Variants in TENM4 observed in about 807,000 individuals in gnomAD.
TENM4 encodes teneurin-4.
A neutral mutation model predicts 243.3 loss-of-function variants in TENM4; 82 were observed. The observed-to-expected ratio is 0.34, with a 90% CI of 0.28 to 0.40. TENM4 has a LOEUF of 0.40. Among genes scored for constraint, TENM4 ranks in the 10% least tolerant of loss-of-function variants. TENM4 has a pLI of 1.00. For synonymous variants in TENM4, 1,412 were observed against 1,456.3 expected (o/e 0.97, Z 0.69); for missense variants, 3,138 against 3,673.3 (o/e 0.85, Z 3.77).
At chr11:78,983,123 T>G (rs1214199687) in intron 6 of TENM4, among the ~76,000 whole-genome samples, 3 of 152,178 alleles carry the variant, frequency 2.0e-5, no homozygotes, top group Non-Finnish European at 4.4e-5. Context: ...GGAGGAAAAA[T>G]AATTCACACT....
chr11:78,749,709 A>T (rs1856137736), intron 19 of TENM4, among the ~76,000 whole-genome samples: 1 of 152,206 alleles, frequency 6.6e-6, no homozygotes, highest in Admixed American at 6.5e-5. Context: ...TGCTTTTAAA[A>T]TTCCTGGAAG....
chr11:79,380,763 C>T (rs1455275969), intron 1 of TENM4, among the ~76,000 whole-genome samples: 3 of 152,138 alleles, frequency 2.0e-5, no homozygotes, highest in Non-Finnish European at 2.9e-5. Context: ...TCATCAAATT[C>T]GTTTCATTCT....
chr11:79,003,312 A>G (rs1400208209), intron 6 of TENM4, among the ~76,000 whole-genome samples: 4 of 152,044 alleles, frequency 2.6e-5, no homozygotes, highest in Non-Finnish European at 2.9e-5. Context: ...CCCTTGTGAG[A>G]TACTGTACAA....
chr11:79,376,528 C>T (rs183807980), intron 1 of TENM4, among the ~76,000 whole-genome samples: 14 of 152,332 alleles, frequency 9.2e-5, no homozygotes, highest in Admixed American at 8.5e-4. Flanking sequence ...GCACATTTCT[C>T]CATCCCAGCA....
At chr11:78,745,525 C>T (rs941979078) in intron 19 of TENM4, among the ~76,000 whole-genome samples, 1 of 151,390 alleles carries the variant, frequency 6.6e-6, no homozygotes, top group Non-Finnish European at 1.5e-5. Flanking sequence ...CCACTGTGCC[C>T]GTCCACTGTC....
At position 79,089,130 on chromosome 11, in the gene TENM4, T is replaced by C. The variant is rs369457904; in HGVS notation, c.-65-19121A>G. 9.2e-5 allele frequency among the ~76,000 whole-genome samples: 14 copies of C among 152,274 alleles called. No homozygotes were observed. In the East Asian group the frequency reaches 2.1e-3, roughly 23 times the overall value. On this transcript the variant is annotated intron_variant, in intron 4 of 33. Transcript: ENST00000278550. ...CAATCCTTGAAACAATTACCTTGGG[T>C]CACTGTGCAGGCCTGTGCTCTCTGG...
intron 33 of TENM4, 84 bp from the exon 34 acceptor site, chr11:78,658,900 G>C: frequency 6.9e-7 from 1 of 1,449,740 alleles, no homozygotes; most frequent in Non-Finnish European, 9.3e-7. Flanking sequence ...AAATAATGAA[G>C]TCAAAACCAC....
chr11:79,262,941 A>G (rs1007206300), intron 2 of TENM4, among the ~76,000 whole-genome samples: 1 of 152,212 alleles, frequency 6.6e-6, no homozygotes, highest in Non-Finnish European at 1.5e-5. Context: ...AGTGCATGCT[A>G]TCTCTCTCCC....
At chr11:78,856,574 G>A (rs973808714) in intron 10 of TENM4, among the ~76,000 whole-genome samples, 2 of 152,064 alleles carry the variant, frequency 1.3e-5, no homozygotes, top group Non-Finnish European at 2.9e-5. Context: ...AAAGGATGGG[G>A]GAACAAAGTG....
intron 6 of TENM4, among the ~76,000 whole-genome samples, chr11:78,910,340 T>A (rs535096175): frequency 6.6e-6 from 1 of 152,338 alleles, no homozygotes; most frequent in Non-Finnish European, 1.5e-5. Context: ...AAACTCCAGC[T>A]GCCTGAGAAT....
At chr11:78,864,433 CAAAAAAAAAAAA>C (rs145489804) in intron 9 of TENM4, among the ~76,000 whole-genome samples, 10 of 36,212 alleles carry the variant, frequency 2.8e-4, no homozygotes, top group South Asian at 1.2e-3. Context: ...GACTCCGTCT[CAAAAAAAAAAAA>C]AAAAAAAAAA....
intron 1 of TENM4, among the ~76,000 whole-genome samples, chr11:79,355,034 C>T (rs911168994): frequency 6.6e-6 from 1 of 152,146 alleles, no homozygotes; most frequent in African/African-American, 2.4e-5. Context: ...GCCAAGAAGC[C>T]ATTTGTTGAC....
chr11:78,793,170 C>A (rs1417963249), intron 15 of TENM4, among the ~76,000 whole-genome samples: 2 of 152,204 alleles, frequency 1.3e-5, no homozygotes, highest in African/African-American at 2.4e-5. Flanking sequence ...GTAGGGGAAG[C>A]TGTGCCTTTC....
chr11:78,840,203 A>C (rs17137240), intron 12 of TENM4, among the ~76,000 whole-genome samples: 3,537 of 152,262 alleles, frequency 0.023, 139 homozygotes, highest in African/African-American at 0.081. Flanking sequence ...GAGAAAACTC[A>C]AACTCTATTT....
rs539977196 is a variant in TENM4, at chr11:78,657,600, T to C, written c.*458A>G. 3.2e-6 allele frequency: 1 copy of C among 311,588 alleles called. No homozygotes were observed. Among genetic ancestry groups the C allele is most frequent in the South Asian group, 3.8e-5 (1 of 26,170 alleles). 19.3% of individuals were successfully genotyped at this position (311,588 alleles called of 1,614,324 possible). On this transcript the variant is annotated 3_prime_UTR_variant, in exon 34 of 34. Coordinates refer to ENST00000278550, the MANE Select transcript of TENM4 (RefSeq NM_001098816.3). The stretch of plus-strand genomic sequence containing the variant: ...CTCCCAGGCCCCCTTGGAAGGGGTG[T>C]TGTACTGGCCCATCACTCCCTTTAC...
At chr11:78,904,026 T>C (rs1409197976) in intron 6 of TENM4, 7 of 348,484 alleles carry the variant, frequency 2.0e-5, no homozygotes, top group African/African-American at 1.5e-4. Flanking sequence ...CCGCTGATTA[T>C]ATATGATGGT....
At chr11:79,138,956 C>G (rs1352862031) in intron 4 of TENM4, among the ~76,000 whole-genome samples, 2 of 80,476 alleles carry the variant, frequency 2.5e-5, no homozygotes, top group African/African-American at 1.1e-4. Context: ...TATTATATTT[C>G]CATAAATATA....
At chr11:78,969,160 G>T (rs1857493314) in intron 6 of TENM4, among the ~76,000 whole-genome samples, 1 of 152,196 alleles carries the variant, frequency 6.6e-6, no homozygotes, top group African/African-American at 2.4e-5. Context: ...CCAGCTGTAG[G>T]TCTGTCATAG....
At chr11:79,061,953 T>A (rs1860100300) in intron 6 of TENM4, among the ~76,000 whole-genome samples, 1 of 143,740 alleles carries the variant, frequency 7.0e-6, no homozygotes. Flanking sequence ...GTTGAGATAA[T>A]CGGTGGCAAC....
Sources: gnomAD v4.1 joint callset for allele counts (sites outside exome capture counted in the v4.1 genomes callset) on GRCh38, gnomAD v4.1.1 for gene constraint, MANE v1.5 for transcripts, NCBI Gene and HGNC (gene_info 2026-07-23, HGNC 2026-07-21) for gene names.